The following LRRC1 variants were observed in gnomAD, a reference collection of about 807,000 sequenced individuals.
LRRC1 encodes the protein leucine rich repeat containing 1.
Under a neutral mutation model 69.9 loss-of-function variants are expected in LRRC1, and 28 were observed. The observed-to-expected ratio is 0.40, with a 90% CI of 0.30 to 0.55. The LOEUF (loss-of-function observed/expected upper bound fraction) is 0.55, where lower values mean the gene tolerates loss of function less well. LRRC1 is among the 20% of genes least tolerant of loss of function. The pLI is 0.47. For missense variants in LRRC1, 498 were observed against 609.0 expected, an observed-to-expected ratio of 0.82 and a Z score of 1.92; for synonymous variants, 236 against 240.2, an observed-to-expected ratio of 0.98 and a Z score of 0.16.
At chr6:53,914,741 C>A (rs1768513778) in intron 11 of LRRC1, among the ~76,000 whole-genome samples, 1 of 152,178 alleles carries the variant, frequency 6.6e-6, no homozygotes, top group South Asian at 2.1e-4. Context: ...TTCTCTGGCT[C>A]CTTGGCTCTC....
In LRRC1 at chr6:53,795,072, G is replaced by T; in HGVS notation, c.-185G>T. 3.7e-6 allele frequency: 2 copies of T among 539,084 alleles called. No homozygotes were observed. The highest frequency in any genetic ancestry group is 2.4e-5 in the South Asian group (1 of 41,606). 33.4% of individuals were successfully genotyped at this position (539,084 alleles called of 1,614,324 possible). A position where few individuals can be genotyped will look rare whatever the true frequency, so the allele number is the denominator to read the frequency against. ...GGGCGGGGGTACAGGGACGGGGCAG[G>T]GGCTCCCGCTCCAGGTTCCTTGAAG... On this transcript the variant is annotated 5_prime_UTR_variant, in exon 1 of 14. Transcript: ENST00000370888.
At chr6:53,883,443 A>C (rs1471678535) in intron 4 of LRRC1, among the ~76,000 whole-genome samples, 4 of 152,160 alleles carry the variant, frequency 2.6e-5, no homozygotes, top group Admixed American at 2.6e-4. Context: ...GGGAATGAGA[A>C]TGGTGTATTT....
At chr6:53,904,811 A>C (rs936918002) in intron 10 of LRRC1, 1 of 163,538 alleles carries the variant, frequency 6.1e-6, no homozygotes, top group African/African-American at 2.4e-5. Flanking sequence ...TTTTGAATTT[A>C]ATGTGAAATT....
chr6:53,833,885 A>C (rs1431442808), intron 1 of LRRC1, among the ~76,000 whole-genome samples: 1 of 152,206 alleles, frequency 6.6e-6, no homozygotes, highest in Admixed American at 6.5e-5. Flanking sequence ...ATGAATATAA[A>C]CTATTTTGTC....
At chr6:53,818,972 A>T (rs968731791) in intron 1 of LRRC1, among the ~76,000 whole-genome samples, 12 of 152,228 alleles carry the variant, frequency 7.9e-5, no homozygotes, top group African/African-American at 2.9e-4. Flanking sequence ...ACTGACCCTC[A>T]TAAGAGTACA....
chr6:53,835,469 T>C (rs888654435), intron 1 of LRRC1, among the ~76,000 whole-genome samples: 1 of 152,192 alleles, frequency 6.6e-6, no homozygotes, highest in African/African-American at 2.4e-5. Flanking sequence ...CCCAGAGATA[T>C]TCCTATTCCA....
At position 53,920,696 on chromosome 6, in the gene LRRC1, G is replaced by C. The variant is rs1272021893; in HGVS notation, c.1351G>C (p.Ala451Pro). 6.2e-7 allele frequency: 1 copy of C among 1,614,070 alleles called. No individual in the cohort carries two copies. Among genetic ancestry groups the C allele is most frequent in the African/African-American group, 1.3e-5 (1 of 74,934 alleles). ...CTCTGATGAAGCCTGGAACGAGCGT[G>C]CTGTCAACAGAGTCAGTGCGATCCG... ...DVSDEAWNER[A>P]VNRVSAIRFV... The change falls in exon 13 of 14, where the codon GCT becomes CCT. Residue 451 changes from alanine to proline, a missense_variant. This residue lies in a region of LRRC1 where 162 missense variants were observed against 162.9 expected (regional missense o/e 0.99). Transcript: ENST00000370888.
At chr6:53,813,160 G>A (rs999132963) in intron 1 of LRRC1, among the ~76,000 whole-genome samples, 4 of 152,106 alleles carry the variant, frequency 2.6e-5, no homozygotes, top group African/African-American at 9.7e-5. Context: ...ATAGTGGATT[G>A]TGGCCATGGG....
chr6:53,878,054 C>T (rs1767131231), intron 2 of LRRC1, among the ~76,000 whole-genome samples: 1 of 152,174 alleles, frequency 6.6e-6, no homozygotes, highest in African/African-American at 2.4e-5. Flanking sequence ...AGGAGGGAGT[C>T]ACATCTTATG....
intron 2 of LRRC1, among the ~76,000 whole-genome samples, chr6:53,845,364 T>C (rs759638348): frequency 7.9e-5 from 12 of 152,192 alleles, no homozygotes; most frequent in Non-Finnish European, 1.6e-4. Flanking sequence ...ATTATGTTAA[T>C]CTGAATACCC....
intron 1 of LRRC1, among the ~76,000 whole-genome samples, chr6:53,818,221 T>C (rs1485054638): frequency 6.6e-6 from 1 of 152,188 alleles, no homozygotes; most frequent in African/African-American, 2.4e-5. Context: ...TATAGGGCAA[T>C]GGTAGACATG....
chr6:53,868,167 A>C (rs1766768058), intron 2 of LRRC1, among the ~76,000 whole-genome samples: 1 of 151,932 alleles, frequency 6.6e-6, no homozygotes, highest in African/African-American at 2.4e-5. Flanking sequence ...ATTGCTTCTC[A>C]AATAGTTAAA....
intron 11 of LRRC1, among the ~76,000 whole-genome samples, chr6:53,918,046 C>T (rs1309265056): frequency 6.6e-6 from 1 of 152,232 alleles, no homozygotes; most frequent in Non-Finnish European, 1.5e-5. Flanking sequence ...ATCTGCTGTT[C>T]CCTGAGGTTC....
At chr6:53,858,315 T>C (rs573796949) in intron 2 of LRRC1, among the ~76,000 whole-genome samples, 23 of 152,118 alleles carry the variant, frequency 1.5e-4, no homozygotes, top group Non-Finnish European at 3.2e-4. Flanking sequence ...AAAAAGTCAA[T>C]GGAGGCAAGT....
intron 7 of LRRC1, among the ~76,000 whole-genome samples, chr6:53,897,793 A>AT (rs1767924714): frequency 2.0e-5 from 3 of 152,130 alleles, no homozygotes; most frequent in South Asian, 4.1e-4. Flanking sequence ...TTTATTTCAG[A>AT]TTTTTTCCAA....
intron 2 of LRRC1, among the ~76,000 whole-genome samples, chr6:53,862,224 C>CT (rs886114511): frequency 1.3e-5 from 2 of 151,476 alleles, no homozygotes; most frequent in Non-Finnish European, 2.9e-5. Context: ...ATGAATACAA[C>CT]TTTTTTCCCC....
At chr6:53,804,365 A>G (rs1269797144) in intron 1 of LRRC1, among the ~76,000 whole-genome samples, 1 of 152,140 alleles carries the variant, frequency 6.6e-6, no homozygotes. Context: ...CCATCACCTC[A>G]CATATTTATT....
chr6:53,840,807 A>T lies in LRRC1; in HGVS notation c.160-1303A>T, dbSNP rs909200720. On this transcript the variant is annotated intron_variant, in intron 1 of 13. Transcript: ENST00000370888. ...ATCTGTGATTTCTCTGAGGATATTA[A>T]TTATTTTTTGGTTGAGGAATTATTT... is the stretch of plus-strand genomic sequence containing the variant. 2.2e-5 allele frequency among the ~76,000 whole-genome samples: 3 copies of T among 137,200 alleles called. No homozygotes were observed. In the Admixed American group the frequency reaches 2.2e-4, roughly 10 times the overall value. 90.0% of individuals were successfully genotyped at this position (137,200 alleles called of 152,430 possible). A position where few individuals can be genotyped will look rare whatever the true frequency, so the allele number is the denominator to read the frequency against.
At chr6:53,823,662 C>T (rs1219935930) in intron 1 of LRRC1, among the ~76,000 whole-genome samples, 1 of 152,170 alleles carries the variant, frequency 6.6e-6, no homozygotes, top group Non-Finnish European at 1.5e-5. Flanking sequence ...CACCCTCCAC[C>T]TCAGGTAGGC....
Sources: allele counts gnomAD v4.1 joint callset (sites outside exome capture counted in the v4.1 genomes callset), GRCh38; gene constraint gnomAD v4.1.1; regional missense constraint gnomAD v4.1.1; transcripts MANE v1.5; gene names NCBI Gene and HGNC (gene_info 2026-07-23, HGNC 2026-07-21).